CRPPA: variants seen among roughly 807,000 people sequenced by gnomAD.
CRPPA encodes CDP-L-ribitol pyrophosphorylase A, also known as D-ribitol-5-phosphate cytidylyltransferase.
In CRPPA, 43 loss-of-function variants were observed where a neutral mutation model predicts 52.0. The observed-to-expected ratio is 0.83, with a 90% CI of 0.65 to 1.07. The LOEUF is 1.07. CRPPA is among the 50% of genes least tolerant of loss of function. The pLI is 0.00. For missense variants in CRPPA, 629 were observed against 551.7 expected (o/e 1.14, Z -1.40); for synonymous variants, 250 against 203.5 (o/e 1.23, Z -1.94).
At chr7:16,248,074 C>G (rs900262822) in intron 8 of CRPPA, 1 of 152,218 alleles carries the variant, frequency 6.6e-6, no homozygotes. Flanking sequence ...AGCGCAGTGG[C>G]TCATGACCGT....
At chr7:16,307,319 C>G (rs545157949) in intron 4 of CRPPA, among the ~76,000 whole-genome samples, 64 of 152,236 alleles carry the variant, frequency 4.2e-4, no homozygotes, top group Non-Finnish European at 1.5e-5. Flanking sequence ...TAAACCATCC[C>G]TGGCCTTGAT....
chr7:16,238,733 T>C (rs1783019028), intron 8 of CRPPA, among the ~76,000 whole-genome samples: 1 of 152,124 alleles, frequency 6.6e-6, no homozygotes, highest in African/African-American at 2.4e-5. Flanking sequence ...AACATGACTG[T>C]TAAAACCTAA....
Position 16,376,079 on chromosome 7 carries a change from C to G in CRPPA, c.684+13G>C, listed in dbSNP as rs769816119. 3 of 1,556,062 alleles carry G rather than the reference C, an allele frequency of 1.9e-6. No individual in the cohort carries two copies. The South Asian group carries it at 3.6e-5, about 19-fold the overall frequency. ...ACATAACAGCAGCTTATTCAAAAAGCCCAAATTCTTACCTGCTGATATGCT... is the reference window on the plus strand; with the variant it reads ...ACATAACAGCAGCTTATTCAAAAAGGCCAAATTCTTACCTGCTGATATGCT... On this transcript the variant is annotated intron_variant, in intron 3 of 9. Coordinates refer to ENST00000407010, the MANE Select transcript of CRPPA (RefSeq NM_001101426.4).
At chr7:16,385,638 A>G (rs970597271) in intron 2 of CRPPA, among the ~76,000 whole-genome samples, 3 of 152,266 alleles carry the variant, frequency 2.0e-5, no homozygotes, top group Non-Finnish European at 4.4e-5. Context: ...CCTGAAGGAC[A>G]TTTGAAGACA....
At position 16,173,844 on chromosome 7, in the gene CRPPA, G is replaced by A. The variant is rs1308278302; in HGVS notation, c.1251+42222C>T. Among the ~76,000 whole-genome samples the A allele has an allele frequency of 5.7e-4, 87 of 152,096 alleles. 1 individual carries two copies. The highest frequency in any genetic ancestry group is 1.5e-5 in the Non-Finnish European group (1 of 68,016). ...ATGATCTACAAGTTAAACTGTGCTTGTATATTTAATATAATCTGAATAAAA... is the reference window on the plus strand; with the variant it reads ...ATGATCTACAAGTTAAACTGTGCTTATATATTTAATATAATCTGAATAAAA... On this transcript the variant is annotated intron_variant, in intron 9 of 9. Coordinates refer to ENST00000407010, the MANE Select transcript of CRPPA (RefSeq NM_001101426.4).
At chr7:16,120,612 G>A (rs958740064) in intron 9 of CRPPA, among the ~76,000 whole-genome samples, 5 of 152,098 alleles carry the variant, frequency 3.3e-5, no homozygotes, top group African/African-American at 9.6e-5. Flanking sequence ...CTGGCTCCTC[G>A]TCTTGTTCCT....
At chr7:16,387,068 T>TATATATATATATATATATACAC (rs1436331607) in intron 2 of CRPPA, among the ~76,000 whole-genome samples, 69 of 68,704 alleles carry the variant, frequency 1.0e-3, no homozygotes, top group Non-Finnish European at 1.6e-3. Flanking sequence ...TATATATATA[T>TATATATATATATATATATACAC]ATATATATAT....
At chr7:16,154,048 C>T (rs1215463950) in intron 9 of CRPPA, among the ~76,000 whole-genome samples, 2 of 149,786 alleles carry the variant, frequency 1.3e-5, no homozygotes, top group Non-Finnish European at 3.0e-5. Flanking sequence ...GCTCTCAGGT[C>T]ATCTCGTATG....
chr7:16,236,186 A>T (rs767804341), intron 8 of CRPPA, among the ~76,000 whole-genome samples: 2 of 152,118 alleles, frequency 1.3e-5, no homozygotes, highest in Admixed American at 6.6e-5. Context: ...AAATACATTA[A>T]CTAAGAAAAT....
intron 3 of CRPPA, among the ~76,000 whole-genome samples, chr7:16,312,074 T>C (rs1263907500): frequency 6.6e-6 from 1 of 152,082 alleles, no homozygotes; most frequent in Non-Finnish European, 1.5e-5. Context: ...AACTTTATTC[T>C]TTGCTTTCAA....
chr7:16,326,578 A>T lies in CRPPA; in HGVS notation c.685-17951T>A, dbSNP rs559704278. On this transcript the variant is annotated intron_variant, in intron 3 of 9. Transcript: ENST00000407010. ...ACAAAAACTGAAGCAATATTCCTGG[A>T]AAAAAGTGATGAAGTTGATGTTAAA... is the stretch of plus-strand genomic sequence containing the variant. Among the ~76,000 whole-genome samples, 30 of 152,330 alleles carry T rather than the reference A, an allele frequency of 2.0e-4. 1 individual carries two copies. In the East Asian group the frequency reaches 5.8e-3, roughly 29 times the overall value.
At chr7:16,375,440 A>G (rs1786857023) in intron 3 of CRPPA, among the ~76,000 whole-genome samples, 1 of 152,214 alleles carries the variant, frequency 6.6e-6, no homozygotes, top group African/African-American at 2.4e-5. Flanking sequence ...TGAAAACCAG[A>G]AGCAATCCAG....
In CRPPA at chr7:16,216,749, G is replaced by A. The variant is rs1446502268; in HGVS notation, c.1120-552C>T. Among the ~76,000 whole-genome samples the A allele has an allele frequency of 3.3e-5, 5 of 152,182 alleles. No homozygotes were observed. In the South Asian group the frequency reaches 8.3e-4, roughly 25 times the overall value. On this transcript the variant is annotated intron_variant, in intron 8 of 9. Coordinates refer to ENST00000407010, the MANE Select transcript of CRPPA (RefSeq NM_001101426.4). ...TTTTCGGACCAGCTTAAAAAACGGC[G>A]CACCACGAGATTATATCCTGCAACT... is the stretch of plus-strand genomic sequence containing the variant.
At chr7:16,218,219 T>C (rs1017965129) in intron 8 of CRPPA, among the ~76,000 whole-genome samples, 9 of 143,300 alleles carry the variant, frequency 6.3e-5, no homozygotes, top group Admixed American at 3.6e-4. Context: ...AGAAATAAAA[T>C]ACTTTACAGA....
intron 3 of CRPPA, among the ~76,000 whole-genome samples, chr7:16,321,452 AG>A (rs1199333055): frequency 6.6e-6 from 1 of 152,138 alleles, no homozygotes; most frequent in African/African-American, 2.4e-5. Flanking sequence ...TAAATAACTT[AG>A]GGAAAAAAAA....
chr7:16,228,041 C>T (rs974600970), intron 8 of CRPPA, among the ~76,000 whole-genome samples: 6 of 151,698 alleles, frequency 4.0e-5, no homozygotes, highest in Admixed American at 6.6e-5. Flanking sequence ...TGTCTAAATC[C>T]GTTGGCTATA....
At chr7:16,219,764 A>C (rs1234881903) in intron 8 of CRPPA, among the ~76,000 whole-genome samples, 1 of 130,206 alleles carries the variant, frequency 7.7e-6, no homozygotes, top group African/African-American at 2.7e-5. Flanking sequence ...ATCTCTGAAT[A>C]GACCAATAAC....
chr7:16,344,884 T>C (rs1046185642), intron 3 of CRPPA, among the ~76,000 whole-genome samples: 1 of 150,002 alleles, frequency 6.7e-6, no homozygotes, highest in East Asian at 2.0e-4. Flanking sequence ...GCCAAAATAA[T>C]CATAATGGGA....
rs368947239 is a variant in CRPPA at position 16,406,028 on chromosome 7, C to A, written c.534+33G>T. 1.0e-4 allele frequency: 160 copies of A among 1,594,264 alleles called. No homozygotes were observed. The highest frequency in any genetic ancestry group is 1.3e-4 in the Non-Finnish European group (157 of 1,166,322). ...AAATGAACCACACTACAGTGCTTGT[C>A]CCTTCTATCTAGACTCAAGAAAAAA... On this transcript the variant is annotated intron_variant, in intron 2 of 9. Transcript: ENST00000407010.
Sources: allele counts gnomAD v4.1 joint callset (sites outside exome capture counted in the v4.1 genomes callset), GRCh38; gene constraint gnomAD v4.1.1; transcripts MANE v1.5; gene names NCBI Gene and HGNC (gene_info 2026-07-23, HGNC 2026-07-21).